UBR2: variants seen among roughly 807,000 people sequenced by gnomAD.
UBR2 encodes the protein ubiquitin protein ligase E3 component n-recognin 2, also known as E3 ubiquitin-protein ligase UBR2.
A neutral mutation model predicts 247.9 loss-of-function variants in UBR2; 92 were observed. That is an observed-to-expected ratio of 0.37 (90% CI 0.31 to 0.44). The LOEUF is 0.44. UBR2 is among the 20% of genes least tolerant of loss of function. The pLI is 1.00. For synonymous variants in UBR2, 672 were observed against 693.5 expected, an observed-to-expected ratio of 0.97 and a Z score of 0.49; for missense variants, 1,613 against 2,112.6, an observed-to-expected ratio of 0.76 and a Z score of 4.64.
At chr6:42,675,190 A>G (rs1360450554) in intron 38 of UBR2, among the ~76,000 whole-genome samples, 4 of 152,226 alleles carry the variant, frequency 2.6e-5, no homozygotes, top group Non-Finnish European at 5.9e-5. Flanking sequence ...CATTGCTGCA[A>G]CTAAAACCAC....
intron 25 of UBR2, among the ~76,000 whole-genome samples, chr6:42,655,105 A>G (rs1797359685): frequency 6.6e-6 from 1 of 152,208 alleles, no homozygotes; most frequent in African/African-American, 2.4e-5. Context: ...TTTCTTCCTC[A>G]TTGAAGTAGA....
At chr6:42,583,612 A>G (rs879268237) in intron 2 of UBR2, among the ~76,000 whole-genome samples, 7 of 150,844 alleles carry the variant, frequency 4.6e-5, no homozygotes, top group Admixed American at 3.3e-4. Context: ...ACCTCTGCCT[A>G]CCAGGTTCAA....
intron 2 of UBR2, among the ~76,000 whole-genome samples, chr6:42,574,676 A>G (rs561011106): frequency 1.3e-5 from 2 of 148,354 alleles, no homozygotes; most frequent in African/African-American, 5.0e-5. Context: ...ATTTTCCCAT[A>G]TATCATTTCA....
chr6:42,572,985 A>G (rs1231505600), intron 1 of UBR2, among the ~76,000 whole-genome samples: 1 of 152,146 alleles, frequency 6.6e-6, no homozygotes, highest in East Asian at 1.9e-4. Flanking sequence ...GAAGCTTTTC[A>G]GATTTTTCGG....
intron 4 of UBR2, among the ~76,000 whole-genome samples, chr6:42,603,378 C>G (rs906159245): frequency 2.0e-5 from 3 of 152,076 alleles, no homozygotes; most frequent in Non-Finnish European, 4.4e-5. Flanking sequence ...TGAATTGATT[C>G]AATAACTGGG....
chr6:42,676,256 G>C (rs1798715974), intron 39 of UBR2, 65 bp downstream of exon 39: 4 of 1,469,296 alleles, frequency 2.7e-6, no homozygotes, highest in Non-Finnish European at 3.6e-6. Context: ...TTTAAAAAAA[G>C]TATTAGAGGA....
intron 2 of UBR2, among the ~76,000 whole-genome samples, chr6:42,574,750 C>T (rs927334260): frequency 1.2e-4 from 18 of 150,238 alleles, no homozygotes; most frequent in African/African-American, 4.2e-4. Flanking sequence ...GGCTGGAGTG[C>T]AGTGGCGCGA....
chr6:42,583,287 G>T (rs1792025979), intron 2 of UBR2, among the ~76,000 whole-genome samples: 1 of 151,950 alleles, frequency 6.6e-6, no homozygotes, highest in South Asian at 2.1e-4. Flanking sequence ...TGCTCCTGTT[G>T]CCCAGGCTGG....
At chr6:42,634,666 G>A (rs966846130) in intron 13 of UBR2, among the ~76,000 whole-genome samples, 5 of 152,170 alleles carry the variant, frequency 3.3e-5, no homozygotes, top group African/African-American at 9.6e-5. Flanking sequence ...TGTTGGCCAG[G>A]CTGGTCTTGA....
chr6:42,564,236 G>C lies in UBR2; in HGVS notation c.-84G>C. The C allele has an allele frequency of 6.7e-7, 1 of 1,493,286 alleles. No individual in the cohort carries two copies. The highest frequency in any genetic ancestry group is 9.1e-7 in the Non-Finnish European group (1 of 1,095,178). 92.5% of individuals were successfully genotyped at this position (1,493,286 alleles called of 1,614,324 possible). ...GCTCCGGGACTGATTGCCTGGGGCA[G>C]GGGTGGCAGTCGAGGCCGCCGGGGC... is the stretch of plus-strand genomic sequence containing the variant. On this transcript the variant is annotated 5_prime_UTR_variant, in exon 1 of 47. Coordinates refer to ENST00000372901, the MANE Select transcript of UBR2 (RefSeq NM_001363705.2).
intron 22 of UBR2, among the ~76,000 whole-genome samples, chr6:42,649,256 G>A (rs111905079): frequency 5.3e-4 from 80 of 152,286 alleles, no homozygotes; most frequent in Middle Eastern, 3.4e-3. Flanking sequence ...GATCCAGCCC[G>A]CCTCGGCCTC....
intron 4 of UBR2, among the ~76,000 whole-genome samples, chr6:42,595,993 C>A (rs187380279): frequency 1.3e-5 from 2 of 150,598 alleles, no homozygotes; most frequent in Non-Finnish European, 3.0e-5. Flanking sequence ...TGTAGAAATA[C>A]AGGACAAATA....
chr6:42,688,534 C>A, intron 45 of UBR2, 148 bp downstream of exon 45: 1 of 874,676 alleles, frequency 1.1e-6, no homozygotes, highest in South Asian at 1.7e-5. Context: ...TGTCGCCTCA[C>A]ATCTCACATC....
intron 34 of UBR2, among the ~76,000 whole-genome samples, chr6:42,666,766 A>T (rs1002224865): frequency 6.6e-6 from 1 of 152,178 alleles, no homozygotes; most frequent in African/African-American, 2.4e-5. Flanking sequence ...GTAACCCAGG[A>T]TTAAAACCAG....
At position 42,691,296 on chromosome 6, in the gene UBR2, T is replaced by C. The variant is rs1465221051; in HGVS notation, c.*123T>C. On this transcript the variant is annotated 3_prime_UTR_variant, in exon 47 of 47. Coordinates refer to ENST00000372901, the MANE Select transcript of UBR2 (RefSeq NM_001363705.2). Reference sequence around the variant, plus strand: ...ATTTAAACTTTCCTTCCCAGTTTTATAGTTTCTGGTTCTGAGGACTGATGA... The same window carrying C: ...ATTTAAACTTTCCTTCCCAGTTTTACAGTTTCTGGTTCTGAGGACTGATGA... The C allele has an allele frequency of 4.4e-6, 6 of 1,372,734 alleles. No individual in the cohort carries two copies. Among genetic ancestry groups the C allele is most frequent in the Non-Finnish European group, 6.0e-6 (6 of 998,766 alleles). The allele number at this position is 1,372,734 out of a possible 1,614,324, so 85.0% of individuals were successfully genotyped here. A position where few individuals can be genotyped will look rare whatever the true frequency, so the allele number is the denominator to read the frequency against.
chr6:42,657,104 G>A (rs777346460), intron 26 of UBR2, among the ~76,000 whole-genome samples: 32 of 151,672 alleles, frequency 2.1e-4, no homozygotes, highest in Non-Finnish European at 3.2e-4. Context: ...GCATGGTGGC[G>A]GGCGCCTATA....
chr6:42,590,310 A>G (rs2151915972), intron 2 of UBR2, among the ~76,000 whole-genome samples: 1 of 152,302 alleles, frequency 6.6e-6, no homozygotes, highest in African/African-American at 2.4e-5. Context: ...TACTTTTAAT[A>G]CGGTAGTCAA....
chr6:42,567,879 A>T (rs1001152705), intron 1 of UBR2, among the ~76,000 whole-genome samples: 10 of 151,892 alleles, frequency 6.6e-5, no homozygotes, highest in Admixed American at 2.0e-4. Flanking sequence ...TCTACTAAAA[A>T]AAAATAAAAT....
At chr6:42,584,187 G>C (rs1225516649) in intron 2 of UBR2, among the ~76,000 whole-genome samples, 1 of 151,794 alleles carries the variant, frequency 6.6e-6, no homozygotes, top group Non-Finnish European at 1.5e-5. Flanking sequence ...GTAGAGACGG[G>C]ATTTCTCCAT....
Sources: allele counts gnomAD v4.1 joint callset (sites outside exome capture counted in the v4.1 genomes callset), GRCh38; gene constraint gnomAD v4.1.1; transcripts MANE v1.5; gene names NCBI Gene and HGNC (gene_info 2026-07-23, HGNC 2026-07-21).